The following ADAMTSL1 variants were observed in gnomAD, a reference collection of about 807,000 sequenced individuals.
The protein encoded by ADAMTSL1 is ADAMTS like 1, also known as ADAMTS-like protein 1.
A neutral mutation model predicts 201.8 loss-of-function variants in ADAMTSL1; 126 were observed. That is an observed-to-expected ratio of 0.62 (90% CI 0.54 to 0.72). The LOEUF (loss-of-function observed/expected upper bound fraction) is 0.72. Among genes scored for constraint, ADAMTSL1 ranks in the 30% least tolerant of loss-of-function variants. The pLI, the probability that ADAMTSL1 is intolerant of heterozygous loss-of-function variation, is 0.00. For synonymous variants in ADAMTSL1, 1,121 were observed against 903.4 expected (o/e 1.24, Z -4.32); for missense variants, 2,679 against 2,277.8 (o/e 1.18, Z -3.59).
At chr9:18,896,433 GGAGGGGCCAA>G (rs1309583585) in intron 26 of ADAMTSL1, among the ~76,000 whole-genome samples, 2 of 152,174 alleles carry the variant, frequency 1.3e-5, no homozygotes, top group Non-Finnish European at 2.9e-5. Flanking sequence ...AGAAAGAGGG[GGAGGGGCCAA>G]GATGGCTGAT....
At chr9:18,467,119 T>G (rs1821038221) in intron 2 of ADAMTSL1, among the ~76,000 whole-genome samples, 1 of 152,196 alleles carries the variant, frequency 6.6e-6, no homozygotes, top group Non-Finnish European at 1.5e-5. Flanking sequence ...ATACAAGAGT[T>G]TGTAATCTTG....
intron 4 of ADAMTSL1, among the ~76,000 whole-genome samples, chr9:18,617,986 G>C (rs945861640): frequency 2.0e-5 from 3 of 152,160 alleles, no homozygotes; most frequent in African/African-American, 7.2e-5. Flanking sequence ...CCAAAGTTAT[G>C]AGTGGTCATT....
intron 9 of ADAMTSL1, among the ~76,000 whole-genome samples, chr9:18,667,757 C>T (rs1269333217): frequency 1.3e-5 from 2 of 152,132 alleles, no homozygotes; most frequent in African/African-American, 4.8e-5. Context: ...TCAGCTTTCT[C>T]ATCCATGAAA....
In ADAMTSL1 at chr9:18,712,706, T is replaced by C. The variant is rs1050732152; in HGVS notation, c.1876+5658T>C. On this transcript the variant is annotated intron_variant, in intron 14 of 28. Coordinates refer to ENST00000380548, the MANE Select transcript of ADAMTSL1 (RefSeq NM_001040272.6). ...TATTATCCAGGAGAACTTCCCCAAT[T>C]TAGCAAGGCAGGCCAACATTCAGAT... 7.2e-5 allele frequency among the ~76,000 whole-genome samples: 11 copies of C among 151,766 alleles called. No homozygotes were observed. In the South Asian group the frequency reaches 1.0e-3, roughly 14 times the overall value.
chr9:18,139,027 C>T (rs1444010795), intron 1 of ADAMTSL1, among the ~76,000 whole-genome samples: 1 of 152,176 alleles, frequency 6.6e-6, no homozygotes, highest in Admixed American at 6.5e-5. Context: ...GATTACCTCA[C>T]CTGTTTTAAT....
At chr9:17,931,590 G>C (rs1439488041) in intron 1 of ADAMTSL1, among the ~76,000 whole-genome samples, 1 of 152,056 alleles carries the variant, frequency 6.6e-6, no homozygotes, top group Non-Finnish European at 1.5e-5. Flanking sequence ...TTTCCACATC[G>C]TGCCTCTTTC....
chr9:18,314,782 CTTTTTTTTTTTTTTTTTTTTTT>C lies in ADAMTSL1; in HGVS notation c.207+150812_207+150833del, dbSNP rs776046209. 9.6e-4 allele frequency among the ~76,000 whole-genome samples: 48 copies of C among 49,840 alleles called. 1 individual carries two copies. Among genetic ancestry groups the C allele is most frequent in the Non-Finnish European group, 1.4e-3 (39 of 28,074 alleles). 32.7% of individuals were successfully genotyped at this position (49,840 alleles called of 152,430 possible). A position where few individuals can be genotyped will look rare whatever the true frequency, so the allele number is the denominator to read the frequency against. On this transcript the variant is annotated intron_variant, in intron 2 of 29. Transcript: ENST00000680146. Reference sequence around the variant, plus strand: ...TGCCACTGCTGCCTTCGGCAGCGTGCTTTTTTTTTTTTTTTTTTTTTTTTTTTTTTTTGAGACGGAGTCTTGC... The same window carrying C: ...TGCCACTGCTGCCTTCGGCAGCGTGCTTTTTTTTTTGAGACGGAGTCTTGC...
intron 2 of ADAMTSL1, among the ~76,000 whole-genome samples, chr9:18,467,390 A>G (rs1821048092): frequency 6.6e-6 from 1 of 152,214 alleles, no homozygotes; most frequent in Non-Finnish European, 1.5e-5. Context: ...ATCAGAAATG[A>G]AAATGATCAG....
intron 2 of ADAMTSL1, among the ~76,000 whole-genome samples, chr9:18,217,014 A>G (rs1012527431): frequency 6.6e-6 from 1 of 152,040 alleles, no homozygotes; most frequent in Non-Finnish European, 1.5e-5. Context: ...TATGAGGAAG[A>G]CAAATGAGGG....
chr9:18,816,164 G>T (rs530712236), intron 20 of ADAMTSL1, among the ~76,000 whole-genome samples: 18 of 152,244 alleles, frequency 1.2e-4, no homozygotes, highest in African/African-American at 4.3e-4. Context: ...CCCAGTCTCT[G>T]TTAACCACTA....
intron 2 of ADAMTSL1, among the ~76,000 whole-genome samples, chr9:18,410,227 C>T: frequency 6.6e-6 from 1 of 150,500 alleles, no homozygotes; most frequent in African/African-American, 2.5e-5. Context: ...ATTTTAAGCT[C>T]AAGGGTACAT....
At chr9:18,104,300 T>C (rs1309737853) in intron 1 of ADAMTSL1, among the ~76,000 whole-genome samples, 1 of 152,186 alleles carries the variant, frequency 6.6e-6, no homozygotes, top group East Asian at 1.9e-4. Flanking sequence ...AGTTACTGCA[T>C]GCTTCCCTTC....
At chr9:18,655,485 T>C (rs572000315) in intron 7 of ADAMTSL1, among the ~76,000 whole-genome samples, 100 of 152,288 alleles carry the variant, frequency 6.6e-4, no homozygotes, top group Non-Finnish European at 4.9e-4. Flanking sequence ...ACCAAATGTG[T>C]CAAACTGAAG....
chr9:18,894,646 T>C (rs1197120564), intron 26 of ADAMTSL1, among the ~76,000 whole-genome samples: 1 of 152,114 alleles, frequency 6.6e-6, no homozygotes, highest in African/African-American at 2.4e-5. Flanking sequence ...ATTGTTGCTA[T>C]ATGGAATTGT....
intron 1 of ADAMTSL1, among the ~76,000 whole-genome samples, chr9:17,934,237 C>A (rs1333212192): frequency 6.6e-6 from 1 of 152,056 alleles, no homozygotes; most frequent in South Asian, 2.1e-4. Flanking sequence ...AGGTAATTCC[C>A]CCATAAACTC....
intron 2 of ADAMTSL1, among the ~76,000 whole-genome samples, chr9:18,465,603 G>C (rs1820972932): frequency 6.6e-6 from 1 of 152,186 alleles, no homozygotes; most frequent in African/African-American, 2.4e-5. Flanking sequence ...TCCTTAGTGA[G>C]AACTGTGTCA....
chr9:18,530,635 A>T (rs1819386272), intron 2 of ADAMTSL1, among the ~76,000 whole-genome samples: 1 of 151,874 alleles, frequency 6.6e-6, no homozygotes. Context: ...TATATCCTTG[A>T]CCTCCTTTCA....
chr9:18,819,353 G>C (rs1012818907), intron 21 of ADAMTSL1, among the ~76,000 whole-genome samples: 1 of 151,880 alleles, frequency 6.6e-6, no homozygotes, highest in Non-Finnish European at 1.5e-5. Flanking sequence ...CTACTCAGGA[G>C]GCTGAGGCAT....
intron 1 of ADAMTSL1, among the ~76,000 whole-genome samples, chr9:18,040,714 T>C (rs1199596107): frequency 1.3e-5 from 2 of 152,108 alleles, no homozygotes; most frequent in Non-Finnish European, 2.9e-5. Flanking sequence ...GAATGGCTTA[T>C]AATTACAGCC....
Sources: gnomAD v4.1 joint callset for allele counts (sites outside exome capture counted in the v4.1 genomes callset) on GRCh38, gnomAD v4.1.1 for gene constraint, MANE v1.5 for transcripts, NCBI Gene and HGNC (gene_info 2026-07-23, HGNC 2026-07-21) for gene names.